The following USP9X variants were observed in gnomAD, a reference collection of about 807,000 sequenced individuals.
The protein encoded by USP9X is ubiquitin carboxyl-terminal hydrolase 9X.
In USP9X, 7 loss-of-function variants were observed where a neutral mutation model predicts 190.3. The ratio of observed to expected loss-of-function variants is 0.04; its 90% CI spans 0.02 to 0.07. USP9X has a LOEUF of 0.07. Ranked by LOEUF, USP9X falls within the 10% of genes least tolerant of loss-of-function variation. The pLI, the probability that USP9X is intolerant of heterozygous loss-of-function variation, is 1.00. For synonymous variants in USP9X, 645 were observed against 659.5 expected (o/e 0.98, Z 0.34); for missense variants, 1,010 against 1,916.9 (o/e 0.53, Z 8.83).
chrX:41,151,574 T>C (rs750642138), intron 13 of USP9X, among the ~76,000 whole-genome samples: 2 of 112,405 alleles, frequency 1.8e-5, no homozygotes, highest in African/African-American at 6.5e-5. Context: ...GGAAAAATAA[T>C]GTGAAGAGAA....
Position 41,141,237 on chromosome X carries a change from A to G in USP9X, c.1022+20A>G, listed in dbSNP as rs2062420266. ...ACTTAGGTAAGATACTTACCTCTTGAAATAATTGTTAATGCCGATTTTAGA... is the reference window on the plus strand; with the variant it reads ...ACTTAGGTAAGATACTTACCTCTTGGAATAATTGTTAATGCCGATTTTAGA... On this transcript the variant is annotated intron_variant, in intron 8 of 44. Transcript: ENST00000378308. 3.3e-6 allele frequency: 4 copies of G among 1,195,120 alleles called. No homozygotes were observed. The highest frequency in any genetic ancestry group is 4.5e-6 in the Non-Finnish European group (4 of 887,886).
chrX:41,180,880 C>T (rs1001160487), intron 21 of USP9X, among the ~76,000 whole-genome samples: 2 of 110,866 alleles, frequency 1.8e-5, no homozygotes, highest in African/African-American at 6.6e-5. Flanking sequence ...CTGATAAACT[C>T]AACTTAAACC....
At chrX:41,223,188 C>T in intron 38 of USP9X, 29 bp from the exon 39 acceptor site, 1 of 1,188,412 alleles carries the variant, frequency 8.4e-7, no homozygotes, top group Non-Finnish European at 1.1e-6. Context: ...CCCTCTCTTT[C>T]TTCTCCCCTT....
chrX:41,193,080 G>A (rs1053557132), intron 26 of USP9X, among the ~76,000 whole-genome samples: 6 of 110,989 alleles, frequency 5.4e-5, no homozygotes, highest in African/African-American at 2.0e-4. Context: ...GGCATGTCAG[G>A]AACATGCCTG....
At chrX:41,124,841 G>A (rs2062222642) in intron 2 of USP9X, among the ~76,000 whole-genome samples, 1 of 111,763 alleles carries the variant, frequency 8.9e-6, no homozygotes, top group Non-Finnish European at 1.9e-5. Flanking sequence ...TGTACAATGA[G>A]GGTAATAATA....
chrX:41,124,235 G>C (rs2062216707), intron 2 of USP9X, among the ~76,000 whole-genome samples: 1 of 110,266 alleles, frequency 9.1e-6, no homozygotes, highest in South Asian at 3.9e-4. Context: ...CACAAGGTAA[G>C]GAGTTCGAGA....
chrX:41,202,368 A>G (rs2063051110), intron 31 of USP9X, among the ~76,000 whole-genome samples: 1 of 112,534 alleles, frequency 8.9e-6, no homozygotes, highest in African/African-American at 3.2e-5. Flanking sequence ...TCTTTAAAGA[A>G]GAGCATATGG....
chrX:41,170,683 GTA>G (rs773450560), intron 20 of USP9X, 64 bp downstream of exon 20: 1,182 of 1,041,998 alleles, frequency 1.1e-3, no homozygotes, highest in Non-Finnish European at 1.4e-3. Context: ...TGAGAATAAA[GTA>G]TATAGAGTGG....
rs1262655876 is a variant in USP9X, at chrX:41,208,710, T to TG, written c.5016-1798dup. 1.4e-3 allele frequency among the ~76,000 whole-genome samples: 155 copies of TG among 111,014 alleles called. 1 individual carries two copies. The highest frequency in any genetic ancestry group is 9.2e-3 in the Middle Eastern group (2 of 217). ...TTTAAGTTTTGTTTGTTTGTTTGTT[T>TG]GTTTTTTGTTTTTTTGAGATGGAGT... On this transcript the variant is annotated intron_variant, in intron 32 of 44. Coordinates refer to ENST00000378308, the MANE Select transcript of USP9X (RefSeq NM_001039591.3).
At chrX:41,187,261 A>G (rs1332053935) in intron 24 of USP9X, among the ~76,000 whole-genome samples, 1 of 112,185 alleles carries the variant, frequency 8.9e-6, no homozygotes, top group African/African-American at 3.2e-5. Flanking sequence ...TTTTGTCCCT[A>G]GAGAGTATTT....
intron 1 of USP9X, among the ~76,000 whole-genome samples, chrX:41,113,864 T>A (rs1332152169): frequency 8.9e-6 from 1 of 112,950 alleles, no homozygotes; most frequent in Non-Finnish European, 1.9e-5. Flanking sequence ...ATAAATCTAT[T>A]ATAAATTTAA....
chrX:41,218,609 GCTTT>G lies in USP9X; in HGVS notation c.6435+19_6435+22del, dbSNP rs1421823595. 1 of 1,185,254 alleles carries G rather than the reference GCTTT, an allele frequency of 8.4e-7. No individual in the cohort carries two copies. Among genetic ancestry groups the G allele is most frequent in the Non-Finnish European group, 1.1e-6 (1 of 873,110 alleles). ...GACCTTCTAGTCAGGTAATTGCACA[GCTTT>G]CTTTCTAAATGATGAGATGTTTACA... On this transcript the variant is annotated intron_variant, in intron 37 of 44. Transcript: ENST00000378308.
chrX:41,170,158 C>T lies in USP9X; in HGVS notation c.2800C>T (p.Leu934Phe). The T allele has an allele frequency of 8.3e-7, 1 of 1,211,487 alleles. No homozygotes were observed. The highest frequency in any genetic ancestry group is 1.1e-6 in the Non-Finnish European group (1 of 895,288). Residue 934 changes from leucine to phenylalanine, a missense_variant, in exon 19 of 45, where the codon CTC (leucine) becomes TTC (phenylalanine). Coordinates refer to ENST00000378308, the MANE Select transcript of USP9X (RefSeq NM_001039591.3). ...KANVAHTKIE[L>F]FVGGELIDPA... ...CAACGTAGCCCATACAAAAATTGAG[C>T]TCTTTGTGGGCGGTGAGCTGATAGA...
intron 41 of USP9X, among the ~76,000 whole-genome samples, chrX:41,225,646 A>G (rs1156251823): frequency 8.9e-6 from 1 of 112,496 alleles, no homozygotes; most frequent in Non-Finnish European, 1.9e-5. Flanking sequence ...GAGGAAATAC[A>G]GAATTAGGTT....
At chrX:41,229,005 G>A in intron 41 of USP9X, 1 of 221,696 alleles carries the variant, frequency 4.5e-6, no homozygotes, top group Non-Finnish European at 8.0e-6. Flanking sequence ...TAGTTGGGCT[G>A]AGGCAGGAGA....
At position 41,100,099 on chromosome X, in the gene USP9X, A is replaced by G. The variant is rs538860754; in HGVS notation, c.-159+13990A>G. On this transcript the variant is annotated intron_variant, in intron 1 of 44. Coordinates refer to ENST00000378308, the MANE Select transcript of USP9X (RefSeq NM_001039591.3). ...CATCTTACATATTTCAGTATATCCC[A>G]TTCTAATTTAGATGTTTTTTTCCTT... Among the ~76,000 whole-genome samples the G allele has an allele frequency of 3.6e-5, 4 of 111,904 alleles. 1 individual carries two copies. The Middle Eastern group carries it at 0.014, about 383-fold the overall frequency.
intron 3 of USP9X, among the ~76,000 whole-genome samples, 185 bp from the exon 4 acceptor site, chrX:41,131,272 A>G (rs1396401982): frequency 9.0e-6 from 1 of 111,346 alleles, no homozygotes. Flanking sequence ...AAATTTGTAG[A>G]GACATCAGGT....
intron 6 of USP9X, among the ~76,000 whole-genome samples, chrX:41,138,045 C>G (rs914163837): frequency 7.2e-5 from 8 of 110,466 alleles, no homozygotes; most frequent in African/African-American, 2.3e-4. Context: ...TAAAGTGTAG[C>G]GATTGTGAGA....
Position 41,232,555 on chromosome X carries a change from CTG to C in USP9X, c.*34_*35del. 8.4e-7 allele frequency: 1 copy of C among 1,190,351 alleles called. No individual in the cohort carries two copies. The highest frequency in any genetic ancestry group is 1.1e-6 in the Non-Finnish European group (1 of 883,384). ...ACATAATTAACTGGTTCCATCAAGA[CTG>C]TGCACCCAGGCCTTACAGTCCAACC... On this transcript the variant is annotated 3_prime_UTR_variant, in exon 45 of 45. Coordinates refer to ENST00000378308, the MANE Select transcript of USP9X (RefSeq NM_001039591.3).
Sources: gnomAD v4.1 joint callset for allele counts (sites outside exome capture counted in the v4.1 genomes callset) on GRCh38, gnomAD v4.1.1 for gene constraint, MANE v1.5 for transcripts, NCBI Gene and HGNC (gene_info 2026-07-23, HGNC 2026-07-21) for gene names.